Variants in CTNNA3 observed in about 807,000 individuals in gnomAD.
CTNNA3 encodes catenin alpha-3.
A neutral mutation model predicts 95.7 loss-of-function variants in CTNNA3; 76 were observed. The observed-to-expected ratio is 0.79, with a 90% CI of 0.66 to 0.96. CTNNA3 has a LOEUF of 0.96. Ranked by LOEUF, CTNNA3 falls within the 40% of genes least tolerant of loss-of-function variation. CTNNA3 has a pLI of 0.00. For synonymous variants in CTNNA3, 431 were observed against 374.4 expected (o/e 1.15, Z -1.74); for missense variants, 1,191 against 1,089.8 (o/e 1.09, Z -1.31).
At chr10:66,006,630 T>C (rs553714315) in intron 15 of CTNNA3, among the ~76,000 whole-genome samples, 2 of 152,322 alleles carry the variant, frequency 1.3e-5, no homozygotes, top group Non-Finnish European at 2.9e-5. Context: ...ACATGATTCT[T>C]ACAGAGCCTG....
intron 7 of CTNNA3, among the ~76,000 whole-genome samples, chr10:67,060,843 G>A (rs2764811): frequency 8.5e-6 from 1 of 118,320 alleles, no homozygotes; most frequent in African/African-American, 3.8e-5. Flanking sequence ...ACATGAAAAA[G>A]AAATACATTT....
intron 11 of CTNNA3, among the ~76,000 whole-genome samples, chr10:66,450,777 T>C (rs2093458397): frequency 6.6e-6 from 1 of 152,112 alleles, no homozygotes; most frequent in Non-Finnish European, 1.5e-5. Context: ...CTCCAACTTA[T>C]TATTTCTTCT....
rs190235450 is a variant in CTNNA3 at position 67,294,998 on chromosome 10, T to C, written c.580-75128A>G. On this transcript the variant is annotated intron_variant, in intron 5 of 17. Transcript: ENST00000433211. ...AAAGTGACACAATAAAAATGAGTAC[T>C]CGTTGAATTAAATGCCTTCAACAAC... is the stretch of plus-strand genomic sequence containing the variant. Among the ~76,000 whole-genome samples, 3 of 152,172 alleles carry C rather than the reference T, an allele frequency of 2.0e-5. No individual in the cohort carries two copies. In the East Asian group the frequency reaches 5.8e-4, roughly 29 times the overall value.
intron 13 of CTNNA3, among the ~76,000 whole-genome samples, chr10:66,170,452 A>C (rs2085360459): frequency 6.6e-6 from 1 of 152,140 alleles, no homozygotes; most frequent in East Asian, 1.9e-4. Flanking sequence ...ATAAAACATT[A>C]CTACATTTGG....
At chr10:66,043,248 AAAAG>A (rs35744226) in intron 15 of CTNNA3, among the ~76,000 whole-genome samples, 16,235 of 152,058 alleles carry the variant, frequency 0.11, 1,009 homozygotes, top group Non-Finnish European at 0.15. Flanking sequence ...AAAAACACGA[AAAAG>A]AAAGTACAAA....
At chr10:67,291,441 A>T (rs533317428) in intron 5 of CTNNA3, among the ~76,000 whole-genome samples, 2 of 152,168 alleles carry the variant, frequency 1.3e-5, no homozygotes, top group East Asian at 3.9e-4. Context: ...GCACTTGCTC[A>T]CCCACCTCTT....
intron 10 of CTNNA3, among the ~76,000 whole-genome samples, chr10:66,598,231 C>T (rs1042587552): frequency 5.9e-5 from 9 of 151,952 alleles, no homozygotes; most frequent in African/African-American, 9.7e-5. Context: ...TAAAAACTCT[C>T]GACAAACTAG....
At chr10:67,303,204 C>T (rs904809666) in intron 5 of CTNNA3, among the ~76,000 whole-genome samples, 4 of 152,184 alleles carry the variant, frequency 2.6e-5, no homozygotes, top group Non-Finnish European at 5.9e-5. Flanking sequence ...AGAACAGATC[C>T]GTATTTGAAA....
Position 67,505,326 on chromosome 10 carries a change from C to T in CTNNA3, c.579+16516G>A, listed in dbSNP as rs182882283. Among the ~76,000 whole-genome samples the T allele has an allele frequency of 4.3e-3, 654 of 152,280 alleles. 2 individuals are homozygous for T. Among genetic ancestry groups the T allele is most frequent in the Non-Finnish European group, 5.8e-3 (396 of 68,018 alleles). ...TCATAACTATTCTCAATGACTTTAA[C>T]ATTAAAGTTGGGAAAATGACTAAAA... On this transcript the variant is annotated intron_variant, in intron 5 of 17. Coordinates refer to ENST00000433211, the MANE Select transcript of CTNNA3 (RefSeq NM_013266.4).
intron 13 of CTNNA3, among the ~76,000 whole-genome samples, chr10:66,205,632 A>C (rs1291017968): frequency 6.6e-6 from 1 of 152,052 alleles, no homozygotes; most frequent in Non-Finnish European, 1.5e-5. Flanking sequence ...ATTTAAAAAC[A>C]GTTATAGGTA....
At chr10:66,997,591 C>G (rs542993589) in intron 7 of CTNNA3, among the ~76,000 whole-genome samples, 1 of 152,180 alleles carries the variant, frequency 6.6e-6, no homozygotes, top group East Asian at 1.9e-4. Context: ...CTCCTATACA[C>G]TGTTTTCCTA....
At chr10:65,958,928 A>G (rs944325446) in intron 17 of CTNNA3, among the ~76,000 whole-genome samples, 3 of 152,198 alleles carry the variant, frequency 2.0e-5, no homozygotes, top group African/African-American at 7.2e-5. Flanking sequence ...GCTATCAGAC[A>G]GGGACGTTTA....
intron 5 of CTNNA3, among the ~76,000 whole-genome samples, chr10:67,440,462 A>G (rs1464461159): frequency 6.6e-6 from 1 of 152,102 alleles, no homozygotes; most frequent in African/African-American, 2.4e-5. Context: ...TTCCGAACCT[A>G]CTGATTGTAG....
At chr10:65,948,203 C>A (rs1488081980) in intron 17 of CTNNA3, among the ~76,000 whole-genome samples, 11 of 151,192 alleles carry the variant, frequency 7.3e-5, no homozygotes, top group African/African-American at 2.7e-4. Flanking sequence ...ATGGCATGAC[C>A]CCGGGAGGCG....
rs559267848 is a variant in CTNNA3 at position 67,563,249 on chromosome 10, G to T, written c.293-23580C>A. On this transcript the variant is annotated intron_variant, in intron 3 of 17. Transcript: ENST00000433211. ...ACCTGACTTCAAACTATACTACAAG[G>T]CTACAGTAACCAAAACAGCATGGTA... is the stretch of plus-strand genomic sequence containing the variant. Among the ~76,000 whole-genome samples the T allele has an allele frequency of 1.4e-4, 22 of 152,198 alleles. No individual in the cohort carries two copies. In the East Asian group the frequency reaches 3.7e-3, roughly 25 times the overall value.
At chr10:65,990,390 T>TG (rs2078518837) in intron 15 of CTNNA3, among the ~76,000 whole-genome samples, 3 of 145,066 alleles carry the variant, frequency 2.1e-5, no homozygotes, top group Admixed American at 7.1e-5. Flanking sequence ...TGCCAGCATC[T>TG]GTTTTTTTTT....
At chr10:67,234,901 C>G (rs914146547) in intron 5 of CTNNA3, among the ~76,000 whole-genome samples, 1 of 146,794 alleles carries the variant, frequency 6.8e-6, no homozygotes, top group African/African-American at 2.6e-5. Flanking sequence ...CATGAGTGAA[C>G]TCCCATTCAC....
intron 6 of CTNNA3, among the ~76,000 whole-genome samples, chr10:67,199,102 G>A (rs1292554793): frequency 6.7e-6 from 1 of 148,668 alleles, no homozygotes; most frequent in African/African-American, 2.6e-5. Flanking sequence ...GGGACTGACA[G>A]GATAGAAGAG....
intron 1 of CTNNA3, among the ~76,000 whole-genome samples, chr10:67,720,617 T>A (rs1841174581): frequency 6.6e-6 from 1 of 152,130 alleles, no homozygotes; most frequent in South Asian, 2.1e-4. Flanking sequence ...CTTATGAAGC[T>A]TAGGTTGGCT....
Sources: gnomAD v4.1 joint callset for allele counts (sites outside exome capture counted in the v4.1 genomes callset) on GRCh38, gnomAD v4.1.1 for gene constraint, MANE v1.5 for transcripts, NCBI Gene and HGNC (gene_info 2026-07-23, HGNC 2026-07-21) for gene names.